ITGA11: variants seen among roughly 807,000 people sequenced by gnomAD.
The protein encoded by ITGA11 is integrin subunit alpha 11.
In ITGA11, 97 loss-of-function variants were observed where a neutral mutation model predicts 141.9. That is an observed-to-expected ratio of 0.68 (90% CI 0.58 to 0.81). The LOEUF is 0.81. ITGA11 is among the 30% of genes least tolerant of loss of function. ITGA11 has a pLI of 0.00. For synonymous variants in ITGA11, 658 were observed against 624.6 expected (o/e 1.05, Z -0.80); for missense variants, 1,387 against 1,559.2 (o/e 0.89, Z 1.86).
In ITGA11 at chr15:68,350,716, C is replaced by T. The variant is rs774914585; in HGVS notation, c.961G>A (p.Ala321Thr). Residue 321 changes from alanine to threonine, a missense_variant, in exon 9 of 30, where the codon GCC becomes ACC. Coordinates refer to ENST00000315757, the MANE Select transcript of ITGA11 (RefSeq NM_001004439.2). ...AAGTGCTTGTCATCAGGGTCACTGG[C>T]GATGTATTTGATTTCATTTAGAAAA... is the stretch of plus-strand genomic sequence containing the variant. ...ETFLNEIKYI[A>T]SDPDDKHFFN... is the part of the protein sequence containing the mutation. The T allele has an allele frequency of 6.8e-6, 11 of 1,613,744 alleles. No individual in the cohort carries two copies. The highest frequency in any genetic ancestry group is 1.6e-4 in the Middle Eastern group (1 of 6,082).
Position 68,397,003 on chromosome 15 carries a change from A to T in ITGA11, c.164+5915T>A, listed in dbSNP as rs1273949553. On this transcript the variant is annotated intron_variant, in intron 2 of 29. Coordinates refer to ENST00000315757, the MANE Select transcript of ITGA11 (RefSeq NM_001004439.2). The stretch of plus-strand genomic sequence containing the variant: ...TATATTATTTATTATATAATATATA[A>T]TATATATTACTTATTATATAATATA... Among the ~76,000 whole-genome samples, 16 of 3,028 alleles carry T rather than the reference A, an allele frequency of 5.3e-3. 1 individual carries two copies. Among genetic ancestry groups the T allele is most frequent in the East Asian group, 0.11 (2 of 18 alleles). The allele number at this position is 3,028 out of a possible 152,430, so 2.0% of individuals were successfully genotyped here.
chr15:68,418,659 C>T (rs188854578), intron 1 of ITGA11, among the ~76,000 whole-genome samples: 80 of 146,790 alleles, frequency 5.4e-4, no homozygotes, highest in African/African-American at 1.9e-3. Context: ...AGCGCACAGC[C>T]GGTACAGCTG....
At chr15:68,349,738 T>C (rs1417558410) in intron 9 of ITGA11, among the ~76,000 whole-genome samples, 1 of 152,196 alleles carries the variant, frequency 6.6e-6, no homozygotes. Context: ...ATGAAATTTA[T>C]GCAAATCAGA....
intron 1 of ITGA11, among the ~76,000 whole-genome samples, chr15:68,424,248 C>CAG (rs531414911): frequency 5.3e-5 from 8 of 152,326 alleles, no homozygotes; most frequent in Middle Eastern, 6.8e-3. Context: ...CAGCCCAACC[C>CAG]AGCTGTGAAT....
chr15:68,353,213 A>G (rs1167313253), intron 7 of ITGA11, among the ~76,000 whole-genome samples: 1 of 152,272 alleles, frequency 6.6e-6, no homozygotes, highest in African/African-American at 2.4e-5. Context: ...ACATTAGTTT[A>G]GAACATCTTC....
intron 1 of ITGA11, among the ~76,000 whole-genome samples, chr15:68,407,266 C>A (rs992492080): frequency 6.6e-6 from 1 of 152,150 alleles, no homozygotes. Context: ...AGAGCCCCAA[C>A]CTCACTGGGG....
In ITGA11 at chr15:68,335,984, G is replaced by T. The variant is rs1231298002; in HGVS notation, c.1277-139C>A. The T allele has an allele frequency of 3.0e-6, 3 of 998,358 alleles. No individual in the cohort carries two copies. Among genetic ancestry groups the T allele is most frequent in the Admixed American group, 4.6e-5 (2 of 43,152 alleles). 61.8% of individuals were successfully genotyped at this position (998,358 alleles called of 1,614,324 possible). A position where few individuals can be genotyped will look rare whatever the true frequency, so the allele number is the denominator to read the frequency against. ...GGGCTAGCTGAGCAGATTCAATCAC[G>T]CAGGGCCATAATTCCTAGGGGCAGC... On this transcript the variant is annotated intron_variant, in intron 11 of 29. Coordinates refer to ENST00000315757, the MANE Select transcript of ITGA11 (RefSeq NM_001004439.2). This position sits in a 1 kb window ranked among gnomAD's most constrained non-coding sequence, Gnocchi z 4.9.
intron 2 of ITGA11, among the ~76,000 whole-genome samples, chr15:68,381,931 C>T (rs912030689): frequency 1.8e-4 from 28 of 152,290 alleles, no homozygotes; most frequent in South Asian, 2.1e-4. Context: ...GGCAGCTCTT[C>T]GGCCTCACTC....
At chr15:68,311,710 G>T (rs1343586848) in intron 24 of ITGA11, among the ~76,000 whole-genome samples, 1 of 152,210 alleles carries the variant, frequency 6.6e-6, no homozygotes, top group African/African-American at 2.4e-5. Flanking sequence ...TTCTTGCCTG[G>T]GGTGGGGATT....
chr15:68,426,319 T>C (rs1207182403), intron 1 of ITGA11, among the ~76,000 whole-genome samples: 2 of 152,142 alleles, frequency 1.3e-5, no homozygotes, highest in Non-Finnish European at 2.9e-5. Flanking sequence ...ATTAGCGGAA[T>C]GGGAGCAGGC....
chr15:68,331,169 G>C, intron 14 of ITGA11, 58 bp from the exon 15 acceptor site: 1 of 1,483,174 alleles, frequency 6.7e-7, no homozygotes, highest in South Asian at 1.2e-5. Flanking sequence ...GGGGGCGGGC[G>C]TCCCCGAGCA....
At position 68,303,171 on chromosome 15, in the gene ITGA11, G is replaced by A; in HGVS notation, c.3496-41C>T. 6.6e-7 allele frequency: 1 copy of A among 1,523,748 alleles called. No homozygotes were observed. The highest frequency in any genetic ancestry group is 8.9e-7 in the Non-Finnish European group (1 of 1,125,212). 94.4% of individuals were successfully genotyped at this position (1,523,748 alleles called of 1,614,324 possible). On this transcript the variant is annotated intron_variant, in intron 29 of 29. Coordinates refer to ENST00000315757, the MANE Select transcript of ITGA11 (RefSeq NM_001004439.2). This position sits in a 1 kb window ranked among gnomAD's most constrained non-coding sequence, Gnocchi z 5.3. ...GGGAGACGTCTCAGAGGAGGACAGGGTGGGCAAGGCCTGCCCCAGCTTTCC... is the reference window on the plus strand; with the variant it reads ...GGGAGACGTCTCAGAGGAGGACAGGATGGGCAAGGCCTGCCCCAGCTTTCC...
chr15:68,431,600 G>A (rs1406570675), intron 1 of ITGA11, among the ~76,000 whole-genome samples: 1 of 152,174 alleles, frequency 6.6e-6, no homozygotes, highest in Non-Finnish European at 1.5e-5. Context: ...GGGCAGCCAG[G>A]GCACACTCTC....
rs996900908 is a variant in ITGA11 at position 68,326,394 on chromosome 15, G to T, written c.2211+260C>A. On this transcript the variant is annotated intron_variant, in intron 17 of 29. Transcript: ENST00000315757. This position sits in a 1 kb window ranked among gnomAD's most constrained non-coding sequence, Gnocchi z 6.8. ...CCTAGTTCTCTCTGCTGGACCTACT[G>T]AGCCCACCTTCCTCCCTTCGGCATC... is the stretch of plus-strand genomic sequence containing the variant. 1.5e-4 allele frequency among the ~76,000 whole-genome samples: 23 copies of T among 152,146 alleles called. No homozygotes were observed. The highest frequency in any genetic ancestry group is 4.8e-4 in the African/African-American group (20 of 41,438).
intron 2 of ITGA11, among the ~76,000 whole-genome samples, chr15:68,371,106 T>C (rs915225933): frequency 1.3e-5 from 2 of 152,180 alleles, no homozygotes; most frequent in African/African-American, 2.4e-5. Context: ...CCGGCAGAAA[T>C]TAATTGGACC....
At chr15:68,409,787 A>G (rs896550247) in intron 1 of ITGA11, among the ~76,000 whole-genome samples, 2 of 152,194 alleles carry the variant, frequency 1.3e-5, no homozygotes, top group African/African-American at 4.8e-5. Flanking sequence ...TTCTCATTTT[A>G]AAGATGAGAA....
chr15:68,371,072 C>A (rs1429125244), intron 2 of ITGA11, among the ~76,000 whole-genome samples: 1 of 152,214 alleles, frequency 6.6e-6, no homozygotes, highest in Non-Finnish European at 1.5e-5. Flanking sequence ...TATATATCCC[C>A]TTATTAAGCC....
intron 2 of ITGA11, among the ~76,000 whole-genome samples, chr15:68,378,333 C>T (rs1030074972): frequency 3.9e-5 from 6 of 152,174 alleles, no homozygotes; most frequent in African/African-American, 4.8e-5. Flanking sequence ...TACTGATAGA[C>T]GTTCAGGTGC....
intron 2 of ITGA11, among the ~76,000 whole-genome samples, chr15:68,388,995 C>G (rs1377651567): frequency 6.6e-6 from 1 of 152,182 alleles, no homozygotes; most frequent in African/African-American, 2.4e-5. Flanking sequence ...GGCGTCCTTT[C>G]TCTAAACACA....
Sources: gnomAD v4.1 joint callset for allele counts (sites outside exome capture counted in the v4.1 genomes callset) on GRCh38, gnomAD v4.1.1 for gene constraint, Gnocchi (gnomAD v3.1) non-coding constraint, MANE v1.5 for transcripts, NCBI Gene and HGNC (gene_info 2026-07-23, HGNC 2026-07-21) for gene names.